Variants in SYNE2 observed in about 807,000 individuals in gnomAD.
SYNE2 encodes the protein nesprin-2.
A neutral mutation model predicts 856.3 loss-of-function variants in SYNE2; 431 were observed. That is an observed-to-expected ratio of 0.50 (90% CI 0.47 to 0.55). SYNE2 has a LOEUF of 0.55. Among genes scored for constraint, SYNE2 ranks in the 20% least tolerant of loss-of-function variants. The pLI is 0.00. For synonymous variants in SYNE2, 2,923 were observed against 2,872.3 expected (o/e 1.02, Z -0.56); for missense variants, 8,129 against 8,023.2 (o/e 1.01, Z -0.50).
At chr14:64,079,369 A>G (rs1224532790) in intron 55 of SYNE2, among the ~76,000 whole-genome samples, 1 of 152,254 alleles carries the variant, frequency 6.6e-6, no homozygotes, top group Non-Finnish European at 1.5e-5. Flanking sequence ...AAACTCCAGC[A>G]TAGGGAAAGG....
At chr14:63,790,902 A>G (rs1437461761) in intron 1 of SYNE2, among the ~76,000 whole-genome samples, 1 of 152,142 alleles carries the variant, frequency 6.6e-6, no homozygotes, top group Non-Finnish European at 1.5e-5. Flanking sequence ...ATAGAAACAC[A>G]GTACAGAACA....
Position 64,163,383 on chromosome 14 carries a change from A to G in SYNE2, c.16300-19A>G. The stretch of plus-strand genomic sequence containing the variant: ...TTGAAAGGAGGAAGAGGTGTTTGCC[A>G]TCCCTTTTTCTTCTGCAGGAGCTGC... On this transcript the variant is annotated intron_variant, in intron 88 of 115. Transcript: ENST00000555002. The G allele has an allele frequency of 6.2e-7, 1 of 1,613,392 alleles. No homozygotes were observed. Among genetic ancestry groups the G allele is most frequent in the Non-Finnish European group, 8.5e-7 (1 of 1,179,984 alleles).
rs1201249948 is a variant in SYNE2, at chr14:64,127,260, C to CA, written c.13917+464dup. 1.2e-3 allele frequency among the ~76,000 whole-genome samples: 167 copies of CA among 140,754 alleles called. 1 individual carries two copies. In the South Asian group the frequency reaches 0.012, roughly 10 times the overall value. The allele number at this position is 140,754 out of a possible 152,430, so 92.3% of individuals were successfully genotyped here. A position where few individuals can be genotyped will look rare whatever the true frequency, so the allele number is the denominator to read the frequency against. On this transcript the variant is annotated intron_variant, in intron 73 of 115. Transcript: ENST00000555002. The stretch of plus-strand genomic sequence containing the variant: ...TGAGCGGCAGAGCAAGACTCCATCT[C>CA]AAAAAAAAAAAGGTGAAGCCCTTTA...
chr14:63,931,790 G>A lies in SYNE2; in HGVS notation c.80-8824G>A, dbSNP rs148025178. Among the ~76,000 whole-genome samples, 457 of 152,200 alleles carry A rather than the reference G, an allele frequency of 3.0e-3. 3 individuals carry two copies. The highest frequency in any genetic ancestry group is 0.02 in the East Asian group (106 of 5,184). On this transcript the variant is annotated intron_variant, in intron 2 of 115. Coordinates refer to ENST00000555002, the MANE Select transcript of SYNE2 (RefSeq NM_182914.3). ...GTTTAACTCCAAGTTCTCATGTTGA[G>A]TAGGAGGGAAACCTATAACTTATGT...
intron 38 of SYNE2, chr14:64,023,074 TG>T (rs1440503046): frequency 1.8e-6 from 1 of 542,046 alleles, no homozygotes. Flanking sequence ...ACCAAGCTCA[TG>T]GTGAAACCTT....
At chr14:63,995,304 AC>A in intron 23 of SYNE2, 102 bp downstream of exon 23, 1 of 983,732 alleles carries the variant, frequency 1.0e-6, no homozygotes, top group South Asian at 1.4e-5. Context: ...TCTGAAAATT[AC>A]CCTAGCCCTC....
chr14:64,102,081 G>A, intron 64 of SYNE2, 39 bp downstream of exon 64: 1 of 1,379,718 alleles, frequency 7.2e-7, no homozygotes, highest in South Asian at 1.2e-5. Context: ...GGGGTTACGA[G>A]GGCCCAGGGG....
intron 1 of SYNE2, among the ~76,000 whole-genome samples, chr14:63,763,202 AG>A (rs1566551042): frequency 6.6e-6 from 1 of 152,038 alleles, no homozygotes; most frequent in Non-Finnish European, 1.5e-5. Context: ...TCCTGACCTC[AG>A]GTGATCCGCC....
intron 85 of SYNE2, among the ~76,000 whole-genome samples, chr14:64,156,298 C>A (rs778149228): frequency 2.0e-5 from 3 of 152,142 alleles, no homozygotes; most frequent in Non-Finnish European, 2.9e-5. Flanking sequence ...TGAGCCATGG[C>A]AGTTCTTGTG....
At chr14:64,085,632 C>T (rs562057976) in intron 57 of SYNE2, among the ~76,000 whole-genome samples, 3 of 152,322 alleles carry the variant, frequency 2.0e-5, no homozygotes, top group African/African-American at 7.2e-5. Context: ...TTCTTTCCCA[C>T]CAGCAACATC....
At chr14:64,092,430 T>C (rs1208474437) in intron 60 of SYNE2, among the ~76,000 whole-genome samples, 1 of 152,202 alleles carries the variant, frequency 6.6e-6, no homozygotes, top group Non-Finnish European at 1.5e-5. Flanking sequence ...ACCCTCGTTG[T>C]AGAAAATAAG....
intron 101 of SYNE2, 49 bp downstream of exon 101, chr14:64,208,994 A>G: frequency 6.3e-7 from 1 of 1,591,012 alleles, no homozygotes; most frequent in Non-Finnish European, 8.6e-7. Context: ...AGCCGAACTC[A>G]ATACACCCTT....
intron 1 of SYNE2, among the ~76,000 whole-genome samples, chr14:63,825,817 G>A (rs1889408201): frequency 1.3e-5 from 2 of 152,048 alleles, no homozygotes; most frequent in Admixed American, 6.6e-5. Flanking sequence ...CAAAGGCAGG[G>A]AGCCAAGATC....
chr14:63,882,116 T>C (rs1474748126), intron 1 of SYNE2, among the ~76,000 whole-genome samples: 1 of 151,958 alleles, frequency 6.6e-6, no homozygotes, highest in African/African-American at 2.4e-5. Flanking sequence ...GCAGAGGAAG[T>C]GGAAAGTGGA....
intron 19 of SYNE2, among the ~76,000 whole-genome samples, chr14:63,986,908 G>GAGAC (rs2096630068): frequency 6.6e-6 from 1 of 152,142 alleles, no homozygotes; most frequent in African/African-American, 2.4e-5. Flanking sequence ...GGACAATGAG[G>GAGAC]AGACGAGTGA....
chr14:63,975,905 C>A (rs570823201), intron 11 of SYNE2, among the ~76,000 whole-genome samples: 45 of 152,290 alleles, frequency 3.0e-4, no homozygotes, highest in Admixed American at 8.5e-4. Context: ...TGAGTTTTGT[C>A]AGCGCTTGCC....
intron 8 of SYNE2, 36 bp downstream of exon 8, chr14:63,954,951 A>G: frequency 1.3e-6 from 2 of 1,534,562 alleles, no homozygotes; most frequent in South Asian, 2.2e-5. Context: ...ACAATCTTTA[A>G]GGCTTAGCAT....
intron 81 of SYNE2, 29 bp from the exon 82 acceptor site, chr14:64,141,913 A>G (rs1167262262): frequency 6.2e-7 from 1 of 1,612,778 alleles, no homozygotes; most frequent in Non-Finnish European, 8.5e-7. Flanking sequence ...ACTGCAGGCA[A>G]TTAAATGGAA....
intron 1 of SYNE2, among the ~76,000 whole-genome samples, chr14:63,895,790 A>C (rs539165783): frequency 9.1e-4 from 137 of 151,350 alleles, no homozygotes; most frequent in African/African-American, 3.2e-3. Context: ...AAAAAAAAAA[A>C]AAAAACCTAG....
Sources: gnomAD v4.1 joint callset for allele counts (sites outside exome capture counted in the v4.1 genomes callset) on GRCh38, gnomAD v4.1.1 for gene constraint, MANE v1.5 for transcripts, NCBI Gene and HGNC (gene_info 2026-07-23, HGNC 2026-07-21) for gene names.